BMP6: variants seen among roughly 807,000 people sequenced by gnomAD.
BMP6 encodes bone morphogenetic protein 6.
BMP6 carries 17 observed loss-of-function variants against 54.1 expected under a neutral mutation model. The ratio of observed to expected loss-of-function variants is 0.31; its 90% CI spans 0.22 to 0.47. The LOEUF (loss-of-function observed/expected upper bound fraction) is 0.47. Ranked by LOEUF, BMP6 falls within the 20% of genes least tolerant of loss-of-function variation. The pLI, the probability that BMP6 is intolerant of heterozygous loss-of-function variation, is 1.00. For missense variants in BMP6, 720 were observed against 690.4 expected (o/e 1.04, Z -0.48); for synonymous variants, 328 against 291.2 (o/e 1.13, Z -1.28).
chr6:7,861,418 G>A (rs748208643), intron 2 of BMP6, 33 bp from the exon 3 acceptor site: 26 of 1,610,866 alleles, frequency 1.6e-5, no homozygotes, highest in Admixed American at 8.4e-5. Context: ...CAGGCAGTGC[G>A]CTATTTACCA....
chr6:7,880,355 A>G lies in BMP6; in HGVS notation c.*12A>G, dbSNP rs1323712056. 2.5e-6 allele frequency: 4 copies of G among 1,613,824 alleles called. No individual in the cohort carries two copies. The highest frequency in any genetic ancestry group is 3.4e-6 in the Non-Finnish European group (4 of 1,179,810). On this transcript the variant is annotated 3_prime_UTR_variant, in exon 7 of 7. Transcript: ENST00000283147. ...GTGGATGCCACTAACTCGAAACCAG[A>G]TGCTGGGGACACACATTCTGCCTTG... is the stretch of plus-strand genomic sequence containing the variant.
chr6:7,768,651 G>GA (rs34728324), intron 1 of BMP6, among the ~76,000 whole-genome samples: 1 of 152,042 alleles, frequency 6.6e-6, no homozygotes, highest in African/African-American at 2.4e-5. Context: ...TGGTTCCTCT[G>GA]AAAAAAAGTC....
At chr6:7,756,787 G>A (rs979704177) in intron 1 of BMP6, among the ~76,000 whole-genome samples, 17 of 152,172 alleles carry the variant, frequency 1.1e-4, no homozygotes, top group African/African-American at 3.9e-4. Context: ...CCCCTCCTAA[G>A]ACACATTCTT....
rs70982115 is a variant in BMP6 at position 7,856,595 on chromosome 6, A to ATTTTTTTTTTTT, written c.858-4848_858-4837dup. Among the ~76,000 whole-genome samples the ATTTTTTTTTTTT allele has an allele frequency of 3.3e-4, 27 of 83,050 alleles. 4 individuals are homozygous for ATTTTTTTTTTTT. The highest frequency in any genetic ancestry group is 1.4e-3 in the East Asian group (2 of 1,380). 54.5% of individuals were successfully genotyped at this position (83,050 alleles called of 152,430 possible). A position where few individuals can be genotyped will look rare whatever the true frequency, so the allele number is the denominator to read the frequency against. On this transcript the variant is annotated intron_variant, in intron 2 of 6. Transcript: ENST00000283147. ...ATATAAATGCCAGTTTATCAAGAGC[A>ATTTTTTTTTTTT]TTTTTTTTTTTTTTTTTTTGAGACG... is the stretch of plus-strand genomic sequence containing the variant.
chr6:7,881,493 G>A lies in BMP6; in HGVS notation c.*1150G>A, dbSNP rs1325459054. On this transcript the variant is annotated 3_prime_UTR_variant, in exon 7 of 7. Transcript: ENST00000283147. ...TTGTCTATTTTATATCTGTTTTGCTGTAACATTGAAGGAAAGACCAGACTT... is the reference window on the plus strand; with the variant it reads ...TTGTCTATTTTATATCTGTTTTGCTATAACATTGAAGGAAAGACCAGACTT... 6.6e-6 allele frequency: 1 copy of A among 152,222 alleles called. No homozygotes were observed. The highest frequency in any genetic ancestry group is 1.5e-5 in the Non-Finnish European group (1 of 67,988). 9.4% of individuals were successfully genotyped at this position (152,222 alleles called of 1,614,324 possible).
intron 1 of BMP6, among the ~76,000 whole-genome samples, chr6:7,761,801 C>G (rs949954119): frequency 2.6e-5 from 4 of 152,206 alleles, no homozygotes; most frequent in Non-Finnish European, 5.9e-5. Context: ...ACTTTCTGAT[C>G]GCTCAGTTGT....
Position 7,845,241 on chromosome 6 carries a change from T to C in BMP6, c.766T>C (p.Phe256Leu). ...GGGTGAGGTGGTGACGGCTGCAGAA[T>C]TCCGCATCTACAAGGACTGTGTTAT... is the stretch of plus-strand genomic sequence containing the variant. ...PEGEVVTAAE[F>L]RIYKDCVMGS... is the part of the protein sequence containing the mutation. The change falls in exon 2 of 7, where the codon TTC (phenylalanine) becomes CTC (leucine). Residue 256 changes from phenylalanine to leucine, a missense_variant. Around this residue, in one of 3 missense-constraint regions of BMP6, gnomAD observed 650 missense variants for 556.3 expected, o/e 1.17. Transcript: ENST00000283147. 1 of 1,614,132 alleles carries C rather than the reference T, an allele frequency of 6.2e-7. No homozygotes were observed. The highest frequency in any genetic ancestry group is 1.3e-5 in the African/African-American group (1 of 75,054).
At chr6:7,831,272 G>T (rs1581267435) in intron 1 of BMP6, among the ~76,000 whole-genome samples, 1 of 152,188 alleles carries the variant, frequency 6.6e-6, no homozygotes, top group Non-Finnish European at 1.5e-5. Context: ...GCAGAACACA[G>T]AATGATGGTT....
chr6:7,836,197 A>T (rs1455447662), intron 1 of BMP6, among the ~76,000 whole-genome samples: 2 of 147,194 alleles, frequency 1.4e-5, no homozygotes, highest in African/African-American at 2.5e-5. Context: ...TGGTTTTAAC[A>T]TGATTTTTTT....
chr6:7,792,811 G>A (rs933360639), intron 1 of BMP6, among the ~76,000 whole-genome samples: 2 of 152,198 alleles, frequency 1.3e-5, no homozygotes, highest in Admixed American at 1.3e-4. Context: ...TCTTGATTCA[G>A]CCATAGCAGA....
chr6:7,731,198 C>T (rs529549778), intron 1 of BMP6, among the ~76,000 whole-genome samples: 9 of 152,272 alleles, frequency 5.9e-5, no homozygotes, highest in Admixed American at 3.3e-4. Context: ...TGAGCGAGCT[C>T]GTGAACTTGC....
chr6:7,782,484 G>A (rs921385173), intron 1 of BMP6, among the ~76,000 whole-genome samples: 22 of 152,166 alleles, frequency 1.4e-4, no homozygotes, highest in African/African-American at 5.1e-4. Context: ...GCTGAGGCGG[G>A]CAGATTACCT....
At chr6:7,744,692 C>A (rs753296787) in intron 1 of BMP6, among the ~76,000 whole-genome samples, 1 of 152,236 alleles carries the variant, frequency 6.6e-6, no homozygotes, top group Non-Finnish European at 1.5e-5. Context: ...TTCCCTCAGG[C>A]TGCTTGTTAT....
At chr6:7,765,405 C>G (rs1226965389) in intron 1 of BMP6, among the ~76,000 whole-genome samples, 1 of 152,154 alleles carries the variant, frequency 6.6e-6, no homozygotes, top group Non-Finnish European at 1.5e-5. Flanking sequence ...ACAAAAGATT[C>G]CCCTCAAAAA....
intron 1 of BMP6, among the ~76,000 whole-genome samples, chr6:7,797,780 A>G (rs1388025999): frequency 6.6e-6 from 1 of 152,214 alleles, no homozygotes; most frequent in Admixed American, 6.5e-5. Context: ...GAAGAGACCG[A>G]TACAAGTTAT....
intron 2 of BMP6, among the ~76,000 whole-genome samples, chr6:7,855,994 A>G (rs1206581328): frequency 6.6e-6 from 1 of 152,130 alleles, no homozygotes; most frequent in Non-Finnish European, 1.5e-5. Flanking sequence ...TTCTAACAGC[A>G]AAGTGATTTA....
intron 2 of BMP6, among the ~76,000 whole-genome samples, chr6:7,859,264 A>G (rs538746869): frequency 2.2e-4 from 34 of 152,064 alleles, no homozygotes; most frequent in Non-Finnish European, 3.8e-4. Flanking sequence ...TTTATCACAG[A>G]CCCTGATCTT....
rs772877791 is a variant in BMP6, at chr6:7,727,506, G to T, written c.551G>T (p.Arg184Leu). The T allele has an allele frequency of 1.3e-6, 2 of 1,595,688 alleles. No homozygotes were observed. Among genetic ancestry groups the T allele is most frequent in the East Asian group, 2.2e-5 (1 of 44,690 alleles). The change falls in exon 1 of 7, where the codon CGC becomes CTC. Residue 184 changes from arginine (R) to leucine (L), a missense_variant. By Grantham distance (102) the Arg-to-Leu change is moderately radical (BLOSUM62 -2). Transcript: ENST00000283147. ...CCGGGCGCCGCGCACCCGCTCAACC[G>T]CAAGAGCCTTCTGGCCCCCGGATCT... ...PPPGAAHPLNRKSLLAPGSGS... is the reference protein window; with the variant it reads ...PPPGAAHPLNLKSLLAPGSGS...
chr6:7,759,943 G>A (rs1333004309), intron 1 of BMP6, among the ~76,000 whole-genome samples: 1 of 151,700 alleles, frequency 6.6e-6, no homozygotes, highest in African/African-American at 2.4e-5. Flanking sequence ...GACCTCAGGT[G>A]ATCTGCCTAC....
Sources: allele counts gnomAD v4.1 joint callset (sites outside exome capture counted in the v4.1 genomes callset), GRCh38; gene constraint gnomAD v4.1.1; regional missense constraint gnomAD v4.1.1; transcripts MANE v1.5; gene names NCBI Gene and HGNC (gene_info 2026-07-23, HGNC 2026-07-21).